Variants in LMNTD1 observed in about 807,000 individuals in gnomAD.
LMNTD1 encodes lamin tail domain containing 1, also known as lamin tail domain-containing protein 1.
In LMNTD1, 35 loss-of-function variants were observed where a neutral mutation model predicts 50.9. The observed-to-expected ratio is 0.69, with a 90% CI of 0.53 to 0.91. The LOEUF is 0.91. Ranked by LOEUF, LMNTD1 falls within the 40% of genes least tolerant of loss-of-function variation. LMNTD1 has a pLI of 0.00. For missense variants in LMNTD1, 470 were observed against 475.5 expected (o/e 0.99, Z 0.11); for synonymous variants, 153 against 161.9 (o/e 0.94, Z 0.42).
chr12:25,487,175 T>G (rs1428517613), intron 9 of LMNTD1, among the ~76,000 whole-genome samples: 1 of 138,672 alleles, frequency 7.2e-6, no homozygotes, highest in Non-Finnish European at 1.5e-5. Context: ...CTGAGTTCAA[T>G]TCCTGGGTAT....
rs556145577 is a variant in LMNTD1, at chr12:25,627,977, G to A, written c.58+20517C>T. ...ACAAAAATTAGCCGGGCATGGTGGCGCGCGCCTGTAGTCCCAGCTACACGG... is the reference window on the plus strand; with the variant it reads ...ACAAAAATTAGCCGGGCATGGTGGCACGCGCCTGTAGTCCCAGCTACACGG... On this transcript the variant is annotated intron_variant, in intron 1 of 7. Coordinates refer to the LMNTD1 transcript ENST00000445693. Among the ~76,000 whole-genome samples, 14 of 151,054 alleles carry A rather than the reference G, an allele frequency of 9.3e-5. No homozygotes were observed. In the South Asian group the frequency reaches 2.5e-3, roughly 28 times the overall value.
At chr12:25,506,991 TGCCTCG>T (rs1158218905) in intron 8 of LMNTD1, among the ~76,000 whole-genome samples, 1 of 152,134 alleles carries the variant, frequency 6.6e-6, no homozygotes, top group Non-Finnish European at 1.5e-5. Flanking sequence ...GCAATTCTTG[TGCCTCG>T]GCCTCCCGAG....
At position 25,629,722 on chromosome 12, in the gene LMNTD1, G is replaced by A. The variant is rs372828981; in HGVS notation, c.58+18772C>T. On this transcript the variant is annotated intron_variant, in intron 1 of 7. Transcript: ENST00000445693. Reference sequence around the variant, plus strand: ...AAAATAATGGAAATTTTGATAGTGAGCAATTAAGTTTATTGCTATCATGGC... The same window carrying A: ...AAAATAATGGAAATTTTGATAGTGAACAATTAAGTTTATTGCTATCATGGC... Among the ~76,000 whole-genome samples the A allele has an allele frequency of 9.3e-4, 142 of 152,280 alleles. 1 individual carries two copies. In the South Asian group the frequency reaches 0.028, roughly 30 times the overall value.
intron 1 of LMNTD1, among the ~76,000 whole-genome samples, chr12:25,569,226 T>C (rs764073523): frequency 6.6e-6 from 1 of 152,188 alleles, no homozygotes; most frequent in Non-Finnish European, 1.5e-5. Context: ...GGACATGGAG[T>C]CAAAGGAGAT....
At chr12:25,588,822 A>G (rs941237945) in intron 1 of LMNTD1, among the ~76,000 whole-genome samples, 4 of 152,216 alleles carry the variant, frequency 2.6e-5, no homozygotes, top group African/African-American at 9.6e-5. Flanking sequence ...AGTAAAAGTC[A>G]AATACTCAGA....
chr12:25,583,188 A>ATTT (rs10699058), intron 1 of LMNTD1, among the ~76,000 whole-genome samples: 22 of 139,182 alleles, frequency 1.6e-4, no homozygotes, highest in Admixed American at 2.2e-4. Flanking sequence ...CGCCTGGCTA[A>ATTT]TTTTTTTTTT....
intron 1 of LMNTD1, among the ~76,000 whole-genome samples, chr12:25,573,924 G>A (rs867174628): frequency 2.6e-5 from 4 of 152,100 alleles, no homozygotes; most frequent in South Asian, 2.1e-4. Flanking sequence ...TCCCTCTAGG[G>A]AGACTCTATC....
intron 1 of LMNTD1, among the ~76,000 whole-genome samples, chr12:25,583,187 A>G (rs1284394849): frequency 1.1e-4 from 1 of 9,408 alleles, no homozygotes; most frequent in African/African-American, 1.4e-4. Context: ...GCGCCTGGCT[A>G]ATTTTTTTTT....
intron 1 of LMNTD1, among the ~76,000 whole-genome samples, chr12:25,574,686 AT>A (rs1214524537): frequency 1.3e-5 from 2 of 152,084 alleles, no homozygotes; most frequent in Non-Finnish European, 2.9e-5. Context: ...TCTATATTTC[AT>A]TACCGTTGTT....
upstream of LMNTD1, among the ~76,000 whole-genome samples, chr12:25,558,123 T>G (rs1301749593): frequency 2.6e-5 from 4 of 152,202 alleles, no homozygotes; most frequent in Non-Finnish European, 5.9e-5. Context: ...CAGTATCAGT[T>G]GTAATGTCTC....
In LMNTD1 at chr12:25,622,464, CCCG is replaced by C. The variant is rs1231276320; in HGVS notation, c.58+26027_58+26029del. ...TTGCCCTTGACCTTGAGTTTGTGAG[CCCG>C]CCCCCCCCCGCAAAATAATATCAAC... On this transcript the variant is annotated intron_variant, in intron 1 of 7. Coordinates refer to the LMNTD1 transcript ENST00000445693. 1.1e-4 allele frequency among the ~76,000 whole-genome samples: 12 copies of C among 111,758 alleles called. 1 individual carries two copies. The highest frequency in any genetic ancestry group is 1.6e-4 in the Non-Finnish European group (8 of 50,554). 73.3% of individuals were successfully genotyped at this position (111,758 alleles called of 152,430 possible). A position where few individuals can be genotyped will look rare whatever the true frequency, so the allele number is the denominator to read the frequency against.
intron 1 of LMNTD1, among the ~76,000 whole-genome samples, chr12:25,631,441 C>A (rs1440836016): frequency 6.6e-6 from 1 of 152,196 alleles, no homozygotes; most frequent in Non-Finnish European, 1.5e-5. Context: ...GTATCCACAG[C>A]TGAGAGACCC....
At chr12:25,531,817 A>G (rs928971758) in intron 4 of LMNTD1, among the ~76,000 whole-genome samples, 1 of 152,170 alleles carries the variant, frequency 6.6e-6, no homozygotes, top group South Asian at 2.1e-4. Context: ...ATACTTATTT[A>G]TAACCTTGCT....
At chr12:25,622,467 G>GCC (rs796827249) in intron 1 of LMNTD1, among the ~76,000 whole-genome samples, 18 of 92,872 alleles carry the variant, frequency 1.9e-4, no homozygotes, top group African/African-American at 3.0e-4. Flanking sequence ...TTGTGAGCCC[G>GCC]CCCCCCCCCG....
upstream of LMNTD1, among the ~76,000 whole-genome samples, chr12:25,553,538 C>A (rs1342104866): frequency 6.6e-6 from 1 of 151,760 alleles, no homozygotes; most frequent in East Asian, 1.9e-4. Flanking sequence ...AATCACAACT[C>A]TTTTCTTCTT....
At chr12:25,565,532 C>A (rs1369576487) in intron 1 of LMNTD1, among the ~76,000 whole-genome samples, 1 of 152,128 alleles carries the variant, frequency 6.6e-6, no homozygotes, top group Non-Finnish European at 1.5e-5. Flanking sequence ...CTATTTATAT[C>A]TTATTGTACT....
Position 25,549,360 on chromosome 12 carries a change from A to T in LMNTD1, c.276T>A (p.Thr92=). 6.2e-7 allele frequency: 1 copy of T among 1,610,906 alleles called. No homozygotes were observed. The highest frequency in any genetic ancestry group is 8.5e-7 in the Non-Finnish European group (1 of 1,177,746). Reference sequence around the variant, plus strand: ...TTTCCACTCTGGAACAGCTACCTACAGTAGCTTTAGAAGTCAATTGTCCAG... The same window carrying T: ...TTTCCACTCTGGAACAGCTACCTACTGTAGCTTTAGAAGTCAATTGTCCAG... The part of the protein sequence containing the change: ...STTGQLTSKA[T]VGSCSRVENS... The change falls in exon 3 of 10, where the codon ACT becomes ACA. Residue 92 remains threonine (T), a synonymous_variant. Transcript: ENST00000458174.
At chr12:25,514,437 G>A (rs751108058) in intron 8 of LMNTD1, among the ~76,000 whole-genome samples, 11 of 152,058 alleles carry the variant, frequency 7.2e-5, no homozygotes, top group Non-Finnish European at 1.6e-4. Flanking sequence ...TCACTTATTT[G>A]TAGGATCTAA....
rs527862619 is a variant in LMNTD1 at position 25,487,796 on chromosome 12, C to T, written c.*23-11336G>A. 3.2e-3 allele frequency among the ~76,000 whole-genome samples: 263 copies of T among 81,858 alleles called. 58 individuals carry two copies. The highest frequency in any genetic ancestry group is 0.011 in the African/African-American group (249 of 21,682). 53.7% of individuals were successfully genotyped at this position (81,858 alleles called of 152,430 possible). On this transcript the variant is annotated intron_variant, in intron 9 of 9. Coordinates refer to ENST00000458174, the MANE Select transcript of LMNTD1 (RefSeq NM_001145728.2). ...ACCGGTTGTTCCTTTCCATGTTTAG[C>T]GCTTCCTTCAGGAGCTTTTAGGGCA...
Sources: allele counts gnomAD v4.1 joint callset (sites outside exome capture counted in the v4.1 genomes callset), GRCh38; gene constraint gnomAD v4.1.1; transcripts MANE v1.5; gene names NCBI Gene and HGNC (gene_info 2026-07-23, HGNC 2026-07-21).